FMN1: variants seen among roughly 807,000 people sequenced by gnomAD.
FMN1 encodes the protein formin-1.
FMN1 carries 110 observed loss-of-function variants against 132.4 expected under a neutral mutation model. That is an observed-to-expected ratio of 0.83 (90% CI 0.71 to 0.97). The LOEUF is 0.97. FMN1 is among the 50% of genes least tolerant of loss of function. The probability of loss-of-function intolerance (pLI) is 0.00; values close to 1 mark genes in which losing one functional copy is unlikely to be tolerated. For synonymous variants in FMN1, 722 were observed against 651.7 expected (o/e 1.11, Z -1.64); for missense variants, 1,792 against 1,705.3 (o/e 1.05, Z -0.90).
intron 5 of FMN1, chr15:33,067,202 C>A (rs370979647): frequency 6.2e-7 from 1 of 1,613,402 alleles, no homozygotes; most frequent in South Asian, 1.1e-5. Flanking sequence ...GCTGGGGCGA[C>A]GCTCTGTCTG....
intron 18 of FMN1, among the ~76,000 whole-genome samples, chr15:32,803,952 G>A (rs1011753058): frequency 6.6e-6 from 1 of 152,170 alleles, no homozygotes; most frequent in Admixed American, 6.5e-5. Context: ...TGGATGCATA[G>A]TCTTAACACA....
chr15:33,024,482 G>A (rs2035576833), intron 6 of FMN1, among the ~76,000 whole-genome samples: 1 of 151,974 alleles, frequency 6.6e-6, no homozygotes, highest in Non-Finnish European at 1.5e-5. Flanking sequence ...TCCTGACCTC[G>A]CAATCCGCCC....
chr15:33,083,626 T>C (rs2038574164), intron 5 of FMN1, among the ~76,000 whole-genome samples: 1 of 152,208 alleles, frequency 6.6e-6, no homozygotes, highest in Admixed American at 6.5e-5. Context: ...GGCTATTCAT[T>C]TGTATCCTTT....
chr15:32,980,017 T>C (rs28552593), intron 7 of FMN1, among the ~76,000 whole-genome samples: 15,531 of 152,208 alleles, frequency 0.1, 934 homozygotes, highest in Middle Eastern at 0.14. Context: ...AAATCTGCCA[T>C]TGAATGGGTT....
At chr15:32,891,240 G>A (rs749641324) in intron 15 of FMN1, among the ~76,000 whole-genome samples, 4 of 152,072 alleles carry the variant, frequency 2.6e-5, no homozygotes, top group Non-Finnish European at 4.4e-5. Context: ...TTATGGTTCC[G>A]TATGAGTTTT....
intron 6 of FMN1, among the ~76,000 whole-genome samples, chr15:33,038,330 G>T (rs1596527116): frequency 6.6e-6 from 1 of 152,332 alleles, no homozygotes; most frequent in East Asian, 1.9e-4. Context: ...CATCTTCTGT[G>T]TTTAAAAATG....
rs867794687 is a variant in FMN1 at position 32,983,753 on chromosome 15, A to C, written c.2224-14276T>G. 3.9e-5 allele frequency among the ~76,000 whole-genome samples: 6 copies of C among 152,176 alleles called. No homozygotes were observed. The South Asian group carries it at 1.2e-3, about 31-fold the overall frequency. ...CATTACTCACGTCTTAAAGAGACTC[A>C]AGTGTTCAAATTTCTTGAGGTAAAA... On this transcript the variant is annotated intron_variant, in intron 7 of 20. Transcript: ENST00000616417.
intron 3 of FMN1, among the ~76,000 whole-genome samples, chr15:33,178,688 A>G (rs1965597431): frequency 6.6e-6 from 1 of 152,206 alleles, no homozygotes; most frequent in African/African-American, 2.4e-5. Flanking sequence ...TAATCCCTAA[A>G]GTTAGTCAAT....
At chr15:32,789,893 G>T (rs957218203) in intron 19 of FMN1, among the ~76,000 whole-genome samples, 1 of 152,144 alleles carries the variant, frequency 6.6e-6, no homozygotes, top group Non-Finnish European at 1.5e-5. Context: ...GTACAGGTTT[G>T]CAGCCTAAGA....
intron 6 of FMN1, among the ~76,000 whole-genome samples, chr15:33,040,081 A>G (rs1243560295): frequency 6.6e-6 from 1 of 152,152 alleles, no homozygotes; most frequent in Non-Finnish European, 1.5e-5. Context: ...ATCCCAATCT[A>G]CAGGCATAAT....
At position 33,069,993 on chromosome 15, in the gene FMN1, C is replaced by CTCTCTTTTT. The variant is rs398026774; in HGVS notation, c.2044-4920_2044-4919insAAAAAGAGA. ...AACAGATCATAAGATCAGTCTTTCT[C>CTCTCTTTTT]TTTTTTTTTTTTTTTTTTTTTTTTT... On this transcript the variant is annotated intron_variant, in intron 5 of 20. Transcript: ENST00000616417. Among the ~76,000 whole-genome samples, 472 of 74,330 alleles carry CTCTCTTTTT rather than the reference C, an allele frequency of 6.4e-3. 8 individuals carry two copies. The highest frequency in any genetic ancestry group is 0.012 in the Middle Eastern group (1 of 86). 48.8% of individuals were successfully genotyped at this position (74,330 alleles called of 152,430 possible). A position where few individuals can be genotyped will look rare whatever the true frequency, so the allele number is the denominator to read the frequency against.
At chr15:33,086,438 T>TG (rs1228605630) in intron 5 of FMN1, among the ~76,000 whole-genome samples, 1 of 152,064 alleles carries the variant, frequency 6.6e-6, no homozygotes, top group Non-Finnish European at 1.5e-5. Flanking sequence ...ACTGTAACTA[T>TG]GTATTTCAAA....
At chr15:33,142,865 T>C (rs954103921) in intron 4 of FMN1, among the ~76,000 whole-genome samples, 1 of 152,164 alleles carries the variant, frequency 6.6e-6, no homozygotes, top group African/African-American at 2.4e-5. Context: ...TGTTGGGCTA[T>C]AAAATGTACC....
intron 5 of FMN1, chr15:33,066,638 C>T (rs761481692): frequency 3.1e-6 from 5 of 1,613,850 alleles, no homozygotes; most frequent in African/African-American, 1.3e-5. Flanking sequence ...AGCTGTGGTC[C>T]CCTTTCTGGG....
intron 15 of FMN1, among the ~76,000 whole-genome samples, chr15:32,893,370 G>A (rs1019687741): frequency 1.1e-5 from 1 of 89,406 alleles, no homozygotes; most frequent in East Asian, 3.2e-4. Context: ...TTTTGATTGC[G>A]TGTGTGTGTG....
Position 33,153,318 on chromosome 15 carries a change from G to A in FMN1, c.1597C>T (p.Gln533Ter), listed in dbSNP as rs1964525703. Residue 533 changes from glutamine (Q) to a stop codon, truncating the protein, a stop_gained, in exon 4 of 21, where the codon CAG becomes TAG. Coordinates refer to ENST00000616417, the MANE Select transcript of FMN1 (RefSeq NM_001277313.2). LOFTEE classifies it high-confidence loss of function. Reference sequence around the variant, plus strand: ...GGGAGCCGGAGGATCCTGTGATGCTGCTGAGGGCTGGGGAGCCTTGGAGAC... The same window carrying A: ...GGGAGCCGGAGGATCCTGTGATGCTACTGAGGGCTGGGGAGCCTTGGAGAC... The part of the protein sequence containing the change: ...PLSPRLPSPQ[Q>*]HHRILRLPAL... The A allele has an allele frequency of 6.5e-7, 1 of 1,536,248 alleles. No individual in the cohort carries two copies. Among genetic ancestry groups the A allele is most frequent in the Admixed American group, 2.0e-5 (1 of 50,986 alleles).
At chr15:33,070,099 G>A (rs146791321) in intron 5 of FMN1, among the ~76,000 whole-genome samples, 2,107 of 138,796 alleles carry the variant, frequency 0.015, 22 homozygotes, top group Non-Finnish European at 0.024. Flanking sequence ...CCCGCCTCCC[G>A]GGTTCAAGTG....
chr15:33,101,814 T>C (rs1307731049), intron 4 of FMN1, among the ~76,000 whole-genome samples: 1 of 152,116 alleles, frequency 6.6e-6, no homozygotes, highest in Admixed American at 6.6e-5. Flanking sequence ...TTTGGTTGGA[T>C]AGGGAGACCA....
At chr15:32,853,312 C>A (rs534851319) in intron 17 of FMN1, among the ~76,000 whole-genome samples, 3 of 152,164 alleles carry the variant, frequency 2.0e-5, no homozygotes, top group African/African-American at 7.2e-5. Flanking sequence ...CCACATTACA[C>A]CAACTCCAAA....
Sources: gnomAD v4.1 joint callset for allele counts (sites outside exome capture counted in the v4.1 genomes callset) on GRCh38, gnomAD v4.1.1 for gene constraint, MANE v1.5 for transcripts, NCBI Gene and HGNC (gene_info 2026-07-23, HGNC 2026-07-21) for gene names.